GOLGA2: variants seen among roughly 807,000 people sequenced by gnomAD.
The protein encoded by GOLGA2 is golgin subfamily A member 2.
In GOLGA2, 49 loss-of-function variants were observed where a neutral mutation model predicts 148.8. The ratio of observed to expected loss-of-function variants is 0.33; its 90% confidence interval spans 0.26 to 0.42. The LOEUF (loss-of-function observed/expected upper bound fraction) is 0.42, where lower values mean the gene tolerates loss of function less well. Ranked by LOEUF, GOLGA2 falls within the 10% of genes least tolerant of loss-of-function variation. GOLGA2 has a pLI of 1.00. For missense variants in GOLGA2, 1,178 were observed against 1,304.6 expected (o/e 0.90, Z 1.49); for synonymous variants, 501 against 511.8 (o/e 0.98, Z 0.28).
intron 1 of GOLGA2, among the ~76,000 whole-genome samples, chr9:128,274,834 G>A (rs1322336930): frequency 2.0e-5 from 3 of 152,124 alleles, no homozygotes; most frequent in African/African-American, 4.8e-5. Flanking sequence ...TCAGAAAGAT[G>A]CCCCGTATTT....
Position 128,267,449 on chromosome 9 carries a change from G to A in GOLGA2, c.561+9C>T, listed in dbSNP as rs1441915520. The A allele has an allele frequency of 6.2e-7, 1 of 1,609,248 alleles. No homozygotes were observed. The highest frequency in any genetic ancestry group is 1.1e-5 in the South Asian group (1 of 90,980). On this transcript the variant is annotated intron_variant, in intron 7 of 26. Transcript: ENST00000611957. Reference sequence around the variant, plus strand: ...CAGGGTCACTGGGCCACGGCCCAGGGCCTCTTACCTCCAGATCCTTCAGGT... The same window carrying A: ...CAGGGTCACTGGGCCACGGCCCAGGACCTCTTACCTCCAGATCCTTCAGGT...
At chr9:128,273,587 A>T (rs1429365110) in intron 2 of GOLGA2, 1 of 539,606 alleles carries the variant, frequency 1.9e-6, no homozygotes, top group Non-Finnish European at 3.2e-6. Context: ...CAGGCCCTGT[A>T]CTAGGGATTA....
chr9:128,269,362 C>A (rs949581284), intron 3 of GOLGA2, among the ~76,000 whole-genome samples: 3 of 151,994 alleles, frequency 2.0e-5, no homozygotes, highest in African/African-American at 7.3e-5. Flanking sequence ...ATGGCCAACA[C>A]CCCCACCCCG....
At chr9:128,265,065 T>C (rs1830510314) in intron 12 of GOLGA2, among the ~76,000 whole-genome samples, 1 of 152,150 alleles carries the variant, frequency 6.6e-6, no homozygotes, top group Non-Finnish European at 1.5e-5. Flanking sequence ...TATCTTTTGT[T>C]CAGTTTTTGA....
rs764669835 is a variant in GOLGA2 at position 128,258,527 on chromosome 9, C to T, written c.2217G>A (p.Glu739=). The change falls in exon 22 of 27, where the codon GAG becomes GAA. Residue 739 remains glutamate (E), a synonymous_variant. Transcript: ENST00000611957. This position sits in a 1 kb window ranked among gnomAD's most constrained non-coding sequence, Gnocchi z 6.6. ...GAGGTACTGCCACCGCCTCCTCCTC[C>T]TCCTCCTCCTCATCCTCCTCCTCCT... The part of the protein sequence containing the change: ...DREEEEDEEE[E]EEEAVAVPQP... The T allele has an allele frequency of 6.3e-7, 1 of 1,593,460 alleles. No homozygotes were observed. Among genetic ancestry groups the T allele is most frequent in the Non-Finnish European group, 8.5e-7 (1 of 1,170,252 alleles).
At chr9:128,273,093 C>A (rs906550750) in intron 2 of GOLGA2, among the ~76,000 whole-genome samples, 1 of 152,232 alleles carries the variant, frequency 6.6e-6, no homozygotes, top group African/African-American at 2.4e-5. Context: ...GATGCAGTCA[C>A]ACAGAGTGGA....
chr9:128,275,269 T>C, intron 1 of GOLGA2: 1 of 641,548 alleles, frequency 1.6e-6, no homozygotes. Flanking sequence ...AGAAGCGGGA[T>C]GAGAACACTT....
rs1248416801 is a variant in GOLGA2 at position 128,275,980 on chromosome 9, C to T, written c.-4G>A. ...GGAGGCGGGGTTGGGGCCACATCAG[C>T]GCGATCCCGGCAACCACTGCGGAAG... On this transcript the variant is annotated 5_prime_UTR_variant, in exon 1 of 27. Coordinates refer to ENST00000611957, the MANE Select transcript of GOLGA2 (RefSeq NM_001366244.2). 11 of 1,598,944 alleles carry T rather than the reference C, an allele frequency of 6.9e-6. No homozygotes were observed. Among genetic ancestry groups the T allele is most frequent in the Non-Finnish European group, 9.4e-6 (11 of 1,171,772 alleles).
chr9:128,262,521 C>G (rs942590227), intron 14 of GOLGA2, 42 bp downstream of exon 14: 2 of 1,592,512 alleles, frequency 1.3e-6, no homozygotes, highest in East Asian at 4.5e-5. Context: ...ATGGCCCCAG[C>G]TGGATGGCGC....
Position 128,262,572 on chromosome 9 carries a change from C to T in GOLGA2, c.1125G>A (p.Leu375=). Residue 375 remains leucine, a synonymous_variant, in exon 14 of 27, where the codon CTG becomes CTA. Transcript: ENST00000611957. ...GGCTGCAGCCTCTTGCCTGTTGAAG[C>T]AGGAGTTCCGTCATCTCTAACTTCT... The part of the protein sequence containing the change: ...LQKKLEMTEL[L]LQQFSSRCEA... The T allele has an allele frequency of 6.2e-7, 1 of 1,613,992 alleles. No homozygotes were observed. Among genetic ancestry groups the T allele is most frequent in the Non-Finnish European group, 8.5e-7 (1 of 1,179,918 alleles).
chr9:128,259,735 G>A (rs140875069), intron 19 of GOLGA2, among the ~76,000 whole-genome samples: 1 of 152,220 alleles, frequency 6.6e-6, no homozygotes, highest in Non-Finnish European at 1.5e-5. Flanking sequence ...TTAAGTTAAA[G>A]AAACTGGGGC....
rs1830709332 is a variant in GOLGA2 at position 128,268,119 on chromosome 9, G to A, written c.435C>T (p.Thr145=). 2 of 1,612,732 alleles carry A rather than the reference G, an allele frequency of 1.2e-6. No individual in the cohort carries two copies. The highest frequency in any genetic ancestry group is 1.3e-5 in the African/African-American group (1 of 74,994). ...CTGCCCCAACAGGAGACACTCACTT[G>A]GTTTCATCCATGAGATTAGGGACAT... ...ADNVPNLMDE[T]KTFSSTESLR... Residue 145 remains threonine, a splice_region_variant and synonymous_variant, in exon 5 of 27, where the codon ACC becomes ACT. Coordinates refer to ENST00000611957, the MANE Select transcript of GOLGA2 (RefSeq NM_001366244.2).
chr9:128,262,042 AAT>A, intron 14 of GOLGA2: 1 of 399,888 alleles, frequency 2.5e-6, no homozygotes, highest in South Asian at 2.9e-5. Flanking sequence ...CGTATCTACA[AAT>A]ACAAAAATTA....
At position 128,271,556 on chromosome 9, in the gene GOLGA2, A is replaced by G. The variant is rs887376090; in HGVS notation, c.288+1229T>C. On this transcript the variant is annotated intron_variant, in intron 3 of 26. Transcript: ENST00000611957. The surrounding 1 kb of genome is among the most constrained non-coding windows in gnomAD (Gnocchi z 4.4). Reference sequence around the variant, plus strand: ...CCCACCAGGCTCCCTGTGTTCCTGAAAGGTGCTCTGTGAGTTCACACTCTG... The same window carrying G: ...CCCACCAGGCTCCCTGTGTTCCTGAGAGGTGCTCTGTGAGTTCACACTCTG... Among the ~76,000 whole-genome samples the G allele has an allele frequency of 2.0e-5, 3 of 151,936 alleles. No homozygotes were observed. Among genetic ancestry groups the G allele is most frequent in the Admixed American group, 2.0e-4 (3 of 15,256 alleles).
In GOLGA2 at chr9:128,260,908, T is replaced by C. The variant is rs1830231531; in HGVS notation, c.1421-106A>G. Reference sequence around the variant, plus strand: ...CCAAACTTGGCCTCCCTGCTGATGATTCCTCGCACCCGGATGTTAGCCAAT... The same window carrying C: ...CCAAACTTGGCCTCCCTGCTGATGACTCCTCGCACCCGGATGTTAGCCAAT... On this transcript the variant is annotated intron_variant, in intron 17 of 26. Coordinates refer to ENST00000611957, the MANE Select transcript of GOLGA2 (RefSeq NM_001366244.2). The surrounding 1 kb of genome is among the most constrained non-coding windows in gnomAD (Gnocchi z 4.8). The C allele has an allele frequency of 8.9e-6, 7 of 783,314 alleles. No individual in the cohort carries two copies. The highest frequency in any genetic ancestry group is 1.0e-5 in the Non-Finnish European group (5 of 491,376). 48.5% of individuals were successfully genotyped at this position (783,314 alleles called of 1,614,324 possible). A position where few individuals can be genotyped will look rare whatever the true frequency, so the allele number is the denominator to read the frequency against.
intron 14 of GOLGA2, 26 bp downstream of exon 14, chr9:128,262,537 C>T (rs779840178): frequency 4.4e-6 from 7 of 1,609,078 alleles, no homozygotes; most frequent in Non-Finnish European, 5.9e-6. Context: ...GGCGCTCCCA[C>T]CACCCATGGG....
Position 128,261,549 on chromosome 9 carries a change from C to T in GOLGA2, c.1237G>A (p.Val413Ile), listed in dbSNP as rs771586627. ...TCTCTCTCCATTTGTAGTTGTCTAA[C>T]CGACTCCATTACCTGCAAGAATGGC... ...EAHLGQVMESVRQLQMERDKY... is the reference protein window; with the variant it reads ...EAHLGQVMESIRQLQMERDKY... The change falls in exon 16 of 27, where the codon GTT (valine) becomes ATT (isoleucine). Residue 413 changes from valine to isoleucine, a missense_variant. Val to Ile is a conservative substitution (Grantham distance 29, BLOSUM62 3). Around this residue, in one of 5 missense-constraint regions of GOLGA2, gnomAD observed 304 missense variants for 404.1 expected, o/e 0.75. Transcript: ENST00000611957. This position sits in a 1 kb window ranked among gnomAD's most constrained non-coding sequence, Gnocchi z 5.7. 139 of 1,600,866 alleles carry T rather than the reference C, an allele frequency of 8.7e-5. No individual in the cohort carries two copies. The Admixed American group carries it at 2.3e-3, about 26-fold the overall frequency.
In GOLGA2 at chr9:128,260,928, G is replaced by T; in HGVS notation, c.1421-126C>A. The T allele has an allele frequency of 1.4e-6, 1 of 729,872 alleles. No individual in the cohort carries two copies. Among genetic ancestry groups the T allele is most frequent in the Non-Finnish European group, 2.3e-6 (1 of 444,156 alleles). The allele number at this position is 729,872 out of a possible 1,614,324, so 45.2% of individuals were successfully genotyped here. On this transcript the variant is annotated intron_variant, in intron 17 of 26. Transcript: ENST00000611957. This position sits in a 1 kb window ranked among gnomAD's most constrained non-coding sequence, Gnocchi z 4.8. ...GATGATTCCTCGCACCCGGATGTTA[G>T]CCAATCTTCCAAACCACTTTCCGAT... is the stretch of plus-strand genomic sequence containing the variant.
Position 128,260,385 on chromosome 9 carries a change from A to G in GOLGA2, c.1758+80T>C. On this transcript the variant is annotated intron_variant, in intron 18 of 26. Transcript: ENST00000611957. The surrounding 1 kb of genome is among the most constrained non-coding windows in gnomAD (Gnocchi z 4.8). The stretch of plus-strand genomic sequence containing the variant: ...AAGTACCATTTCAAGTGAGGGCTAC[A>G]CTGCCCCACTTTACAGGTGGGAAAA... The G allele has an allele frequency of 8.1e-7, 1 of 1,229,936 alleles. No homozygotes were observed. The highest frequency in any genetic ancestry group is 1.2e-6 in the Non-Finnish European group (1 of 848,610). The allele number at this position is 1,229,936 out of a possible 1,614,324, so 76.2% of individuals were successfully genotyped here. A position where few individuals can be genotyped will look rare whatever the true frequency, so the allele number is the denominator to read the frequency against.
Sources: allele counts gnomAD v4.1 joint callset (sites outside exome capture counted in the v4.1 genomes callset), GRCh38; gene constraint gnomAD v4.1.1; regional missense constraint gnomAD v4.1.1; non-coding constraint Gnocchi (gnomAD v3.1); transcripts MANE v1.5; gene names NCBI Gene and HGNC (gene_info 2026-07-23, HGNC 2026-07-21).